The following DNAH7 variants were observed in gnomAD, a reference collection of about 807,000 sequenced individuals.
The protein encoded by DNAH7 is dynein axonemal heavy chain 7.
A neutral mutation model predicts 444.6 loss-of-function variants in DNAH7; 397 were observed. The observed-to-expected ratio is 0.89, with a 90% CI of 0.82 to 0.97. DNAH7 has a LOEUF of 0.97. DNAH7 is among the 50% of genes least tolerant of loss of function. DNAH7 has a pLI of 0.00. For missense variants in DNAH7, 4,902 were observed against 4,800.8 expected, an observed-to-expected ratio of 1.02 and a Z score of -0.62; for synonymous variants, 1,636 against 1,624.4, an observed-to-expected ratio of 1.01 and a Z score of -0.17.
intron 44 of DNAH7, among the ~76,000 whole-genome samples, chr2:195,856,690 C>T (rs1435830124): frequency 6.6e-6 from 1 of 152,136 alleles, no homozygotes; most frequent in Non-Finnish European, 1.5e-5. Flanking sequence ...AAAAAGGCTC[C>T]TTATTTCACA....
intron 5 of DNAH7, among the ~76,000 whole-genome samples, chr2:196,028,661 G>A (rs920063174): frequency 1.3e-5 from 2 of 152,142 alleles, no homozygotes; most frequent in Non-Finnish European, 1.5e-5. Context: ...GGGCTGCACT[G>A]GGCAGAAAGG....
intron 8 of DNAH7, among the ~76,000 whole-genome samples, chr2:196,021,472 T>C (rs1361936866): frequency 6.6e-6 from 1 of 152,072 alleles, no homozygotes; most frequent in Non-Finnish European, 1.5e-5. Context: ...ATATAAAACT[T>C]ATGTTTATGC....
intron 63 of DNAH7, among the ~76,000 whole-genome samples, chr2:195,748,505 C>CA (rs1232746712): frequency 2.6e-5 from 4 of 152,012 alleles, no homozygotes; most frequent in African/African-American, 4.8e-5. Flanking sequence ...CATATGGAAC[C>CA]AAAAAAGAGC....
intron 19 of DNAH7, among the ~76,000 whole-genome samples, chr2:195,941,931 A>G (rs1478542494): frequency 2.0e-5 from 3 of 152,168 alleles, no homozygotes; most frequent in Non-Finnish European, 4.4e-5. Context: ...TAGAATTAAC[A>G]ATAATTCAAG....
chr2:195,936,735 A>G lies in DNAH7; in HGVS notation c.3136T>C (p.Ser1046Pro). The G allele has an allele frequency of 1.9e-6, 3 of 1,599,570 alleles. No homozygotes were observed. The highest frequency in any genetic ancestry group is 2.3e-5 in the East Asian group (1 of 44,408). ...IDRMLERLKK[S>P]NELLELILKG... ...AGAATGAGCTCCAAAAGTTCATTAG[A>G]TTTTTTCAGCCTTTCCAGCATTCTG... Residue 1046 changes from serine (S) to proline (P), a missense_variant, in exon 20 of 65, where the codon TCT becomes CCT. Transcript: ENST00000312428.
rs1483669259 is a variant in DNAH7, at chr2:195,858,725, G to C, written c.7816C>G (p.Gln2606Glu). The change falls in exon 43 of 65, where the codon CAG (glutamine) becomes GAG (glutamate). Residue 2606 changes from glutamine to glutamate, a missense_variant. Gln to Glu is a conservative substitution (Grantham distance 29). Transcript: ENST00000312428. ...DSASSQVATM[Q>E]MELEALHPQL... ...GGATGTAGTGCCTCCAACTCCATCT[G>C]CATTGTGGCTACTTGAGATGAAGCA... 1.2e-6 allele frequency: 2 copies of C among 1,613,832 alleles called. No individual in the cohort carries two copies. Among genetic ancestry groups the C allele is most frequent in the Non-Finnish European group, 1.7e-6 (2 of 1,179,908 alleles).
At chr2:195,782,382 G>C (rs1695431057) in intron 58 of DNAH7, among the ~76,000 whole-genome samples, 1 of 152,190 alleles carries the variant, frequency 6.6e-6, no homozygotes, top group South Asian at 2.1e-4. Flanking sequence ...TATGCTGGAG[G>C]AATTGTGAAG....
In DNAH7 at chr2:195,922,285, A is replaced by G; in HGVS notation, c.3826-88T>C. The G allele has an allele frequency of 4.1e-6, 3 of 739,864 alleles. No homozygotes were observed. The South Asian group carries it at 5.6e-5, about 14-fold the overall frequency. The allele number at this position is 739,864 out of a possible 1,614,324, so 45.8% of individuals were successfully genotyped here. A position where few individuals can be genotyped will look rare whatever the true frequency, so the allele number is the denominator to read the frequency against. ...CTCTTTAATAAGTAATAACCATAATATAGACATCTTTAAAGTTCACTTTTC... is the reference window on the plus strand; with the variant it reads ...CTCTTTAATAAGTAATAACCATAATGTAGACATCTTTAAAGTTCACTTTTC... On this transcript the variant is annotated intron_variant, in intron 23 of 64. Coordinates refer to ENST00000312428, the MANE Select transcript of DNAH7 (RefSeq NM_018897.3).
In DNAH7 at chr2:195,999,327, C is replaced by T. The variant is rs1426179703; in HGVS notation, c.1353+1377G>A. The T allele has an allele frequency of 4.1e-5, 27 of 664,130 alleles. No individual in the cohort carries two copies. The East Asian group carries it at 6.5e-4, about 16-fold the overall frequency. 41.1% of individuals were successfully genotyped at this position (664,130 alleles called of 1,614,324 possible). A position where few individuals can be genotyped will look rare whatever the true frequency, so the allele number is the denominator to read the frequency against. On this transcript the variant is annotated intron_variant, in intron 12 of 64. Coordinates refer to ENST00000312428, the MANE Select transcript of DNAH7 (RefSeq NM_018897.3). The stretch of plus-strand genomic sequence containing the variant: ...TCACACAGATTTGAGTGAATATTCG[C>T]ACAACCAGTATTGTCTTTGAAATCA...
chr2:195,957,491 C>G, intron 18 of DNAH7, 44 bp from the exon 19 acceptor site: 2 of 1,414,726 alleles, frequency 1.4e-6, no homozygotes, highest in Non-Finnish European at 1.9e-6. Context: ...GCAAACCAAG[C>G]AAATGTTTCA....
chr2:195,943,432 A>G (rs1387726292), intron 19 of DNAH7, among the ~76,000 whole-genome samples: 1 of 152,168 alleles, frequency 6.6e-6, no homozygotes, highest in Non-Finnish European at 1.5e-5. Context: ...CAGTAAGTCA[A>G]TGAATGACAG....
intron 34 of DNAH7, 107 bp downstream of exon 34, chr2:195,886,034 A>G (rs1398277716): frequency 4.8e-5 from 63 of 1,303,422 alleles, no homozygotes; most frequent in Non-Finnish European, 6.3e-5. Flanking sequence ...CCCGTTGACT[A>G]GTCTCCAACT....
chr2:195,858,702 A>G lies in DNAH7; in HGVS notation c.7839T>C (p.His2613=). 2 of 1,614,036 alleles carry G rather than the reference A, an allele frequency of 1.2e-6. No individual in the cohort carries two copies. Among genetic ancestry groups the G allele is most frequent in the Middle Eastern group, 3.3e-4 (2 of 6,062 alleles). ...CTTTGCTAGCAACTTTTAATTGAGG[A>G]TGTAGTGCCTCCAACTCCATCTGCA... The part of the protein sequence containing the change: ...ATMQMELEAL[H]PQLKVASKEV... Residue 2613 remains histidine (H), a synonymous_variant, in exon 43 of 65, where the codon CAT becomes CAC. Transcript: ENST00000312428.
rs1479761268 is a variant in DNAH7, at chr2:195,957,260, C to T, written c.3078+1G>A. On this transcript the variant is annotated splice_donor_variant, in intron 19 of 64. Transcript: ENST00000312428. LOFTEE classifies it high-confidence loss of function. Reference sequence around the variant, plus strand: ...ACATTTTTGGAGATTTTTTCACCTACCTGCATGACACTTCTCATTATATCT... The same window carrying T: ...ACATTTTTGGAGATTTTTTCACCTATCTGCATGACACTTCTCATTATATCT... 5 of 1,497,200 alleles carry T rather than the reference C, an allele frequency of 3.3e-6. No individual in the cohort carries two copies. Among genetic ancestry groups the T allele is most frequent in the African/African-American group, 1.4e-5 (1 of 71,330 alleles). The allele number at this position is 1,497,200 out of a possible 1,614,324, so 92.7% of individuals were successfully genotyped here. A position where few individuals can be genotyped will look rare whatever the true frequency, so the allele number is the denominator to read the frequency against.
intron 27 of DNAH7, 27 bp from the exon 28 acceptor site, chr2:195,900,521 A>G: frequency 1.3e-6 from 2 of 1,594,882 alleles, no homozygotes; most frequent in Non-Finnish European, 1.7e-6. Context: ...AGTTACTTTT[A>G]AAAGGATCAT....
chr2:195,843,892 C>G (rs6737009), intron 47 of DNAH7, among the ~76,000 whole-genome samples: 1 of 151,800 alleles, frequency 6.6e-6, no homozygotes, highest in Non-Finnish European at 1.5e-5. Flanking sequence ...GTCAGGAGAT[C>G]GAGACCATCC....
At chr2:195,772,819 T>G (rs1694903428) in intron 60 of DNAH7, among the ~76,000 whole-genome samples, 1 of 151,476 alleles carries the variant, frequency 6.6e-6, no homozygotes, top group African/African-American at 2.4e-5. Context: ...CTCACTCTGT[T>G]GCCCAGGCTG....
intron 36 of DNAH7, among the ~76,000 whole-genome samples, chr2:195,878,940 T>C (rs981853289): frequency 2.0e-5 from 3 of 152,294 alleles, no homozygotes; most frequent in Non-Finnish European, 2.9e-5. Flanking sequence ...ATTCATAATA[T>C]TGATAATTTA....
chr2:195,773,455 C>CA (rs1342112107), intron 60 of DNAH7, among the ~76,000 whole-genome samples: 4 of 140,368 alleles, frequency 2.8e-5, no homozygotes, highest in African/African-American at 1.2e-4. Flanking sequence ...TATGGTTCTT[C>CA]AAAAAACGTA....
Sources: allele counts gnomAD v4.1 joint callset (sites outside exome capture counted in the v4.1 genomes callset), GRCh38; gene constraint gnomAD v4.1.1; transcripts MANE v1.5; gene names NCBI Gene and HGNC (gene_info 2026-07-23, HGNC 2026-07-21).